The following CD86 variants were observed in gnomAD, a reference collection of about 807,000 sequenced individuals.
CD86 encodes the protein T-lymphocyte activation antigen CD86.
A neutral mutation model predicts 32.1 loss-of-function variants in CD86; 11 were observed. The observed-to-expected ratio is 0.34, with a 90% confidence interval of 0.22 to 0.57. The LOEUF (loss-of-function observed/expected upper bound fraction) is 0.57, where lower values mean the gene tolerates loss of function less well. CD86 is among the 20% of genes least tolerant of loss of function. The probability of loss-of-function intolerance (pLI) is 0.86; values close to 1 mark genes in which losing one functional copy is unlikely to be tolerated. For synonymous variants in CD86, 137 were observed against 135.3 expected, an observed-to-expected ratio of 1.01 and a Z score of -0.09; for missense variants, 359 against 398.4, an observed-to-expected ratio of 0.90 and a Z score of 0.84.
At chr3:122,098,213 T>C (rs1256044854) in intron 2 of CD86, among the ~76,000 whole-genome samples, 1 of 152,152 alleles carries the variant, frequency 6.6e-6, no homozygotes, top group East Asian at 1.9e-4. Context: ...ACAATAAATA[T>C]AAGTCAGCAT....
chr3:122,074,566 A>T (rs1559900447), intron 1 of CD86, among the ~76,000 whole-genome samples: 1 of 152,194 alleles, frequency 6.6e-6, no homozygotes, highest in Non-Finnish European at 1.5e-5. Flanking sequence ...GCAGGAGGCC[A>T]CTTCCATATA....
chr3:122,067,312 A>G (rs1644615799), intron 1 of CD86, among the ~76,000 whole-genome samples: 1 of 152,240 alleles, frequency 6.6e-6, no homozygotes, highest in Admixed American at 6.5e-5. Context: ...TAATGAAGGG[A>G]GCCAGCCACA....
intron 5 of CD86, among the ~76,000 whole-genome samples, chr3:122,111,103 A>G (rs1262052077): frequency 6.6e-6 from 1 of 152,228 alleles, no homozygotes; most frequent in Non-Finnish European, 1.5e-5. Flanking sequence ...TGGCACATAC[A>G]TGACCCCTAA....
chr3:122,082,224 C>G (rs1423821102), intron 1 of CD86, among the ~76,000 whole-genome samples: 1 of 152,168 alleles, frequency 6.6e-6, no homozygotes. Context: ...TTGTAGCTCT[C>G]TATTAAAAGT....
intron 5 of CD86, among the ~76,000 whole-genome samples, chr3:122,112,978 G>A (rs2073198229): frequency 6.6e-6 from 1 of 152,222 alleles, no homozygotes; most frequent in Non-Finnish European, 1.5e-5. Flanking sequence ...CACTGCACCA[G>A]TGTGTAGTCT....
intron 1 of CD86, among the ~76,000 whole-genome samples, chr3:122,059,257 T>A (rs1559894939): frequency 6.6e-6 from 1 of 151,018 alleles, no homozygotes; most frequent in Non-Finnish European, 1.5e-5. Flanking sequence ...AGCAGAGAGG[T>A]TGGAGGATTG....
intron 2 of CD86, among the ~76,000 whole-genome samples, chr3:122,101,513 A>AAAATATATATATATAT (rs1202377219): frequency 2.2e-5 from 1 of 46,344 alleles, no homozygotes. Flanking sequence ...AAAAAAAAAA[A>AAAATATATATATATAT]ATATATATAT....
intron 1 of CD86, among the ~76,000 whole-genome samples, chr3:122,063,266 T>TAAACTACCATTTTTTATATAAA (rs2072364719): frequency 6.6e-6 from 1 of 152,218 alleles, no homozygotes; most frequent in Non-Finnish European, 1.5e-5. Flanking sequence ...AGAAGATATA[T>TAAACTACCATTTTTTATATAAA]AAACTACCAT....
intron 1 of CD86, among the ~76,000 whole-genome samples, chr3:122,087,478 C>T (rs73858125): frequency 1.8e-3 from 267 of 152,266 alleles, no homozygotes; most frequent in African/African-American, 6.2e-3. Context: ...GAGAAACTGG[C>T]TTCCTAACCC....
intron 1 of CD86, among the ~76,000 whole-genome samples, chr3:122,074,772 G>C (rs2072534470): frequency 2.6e-5 from 4 of 152,152 alleles, no homozygotes; most frequent in Admixed American, 6.5e-5. Context: ...GTCCTCCTCT[G>C]GTTGCTTCTA....
At chr3:122,099,606 TCC>T (rs2072964954) in intron 2 of CD86, among the ~76,000 whole-genome samples, 2 of 152,092 alleles carry the variant, frequency 1.3e-5, no homozygotes, top group South Asian at 4.1e-4. Flanking sequence ...AAGTAGAGTG[TCC>T]CCAGGGTAAA....
intron 2 of CD86, among the ~76,000 whole-genome samples, chr3:122,095,597 A>G (rs188625536): frequency 6.6e-6 from 1 of 152,256 alleles, no homozygotes; most frequent in East Asian, 1.9e-4. Flanking sequence ...TTTGACTCCC[A>G]TTTCCTGCTG....
At chr3:122,078,417 C>A (rs551696542) in intron 1 of CD86, among the ~76,000 whole-genome samples, 1 of 152,182 alleles carries the variant, frequency 6.6e-6, no homozygotes, top group Non-Finnish European at 1.5e-5. Flanking sequence ...CAGCTCGCCT[C>A]GCCTGAGTCC....
rs985443502 is a variant in CD86, at chr3:122,056,312, G to T, written c.14+809G>T. ...CTTCTCTTGGGTGGTGGCAGCTGGC[G>T]CCAGTCACTATGTATTTATTTATTT... is the stretch of plus-strand genomic sequence containing the variant. On this transcript the variant is annotated intron_variant, in intron 1 of 6. Coordinates refer to ENST00000330540, the MANE Select transcript of CD86 (RefSeq NM_175862.5). 7.9e-5 allele frequency among the ~76,000 whole-genome samples: 12 copies of T among 152,054 alleles called. No homozygotes were observed. The East Asian group carries it at 2.3e-3, about 29-fold the overall frequency.
At chr3:122,095,381 A>C (rs2072891430) in intron 2 of CD86, among the ~76,000 whole-genome samples, 2 of 152,024 alleles carry the variant, frequency 1.3e-5, no homozygotes, top group Non-Finnish European at 2.9e-5. Context: ...GGGTTTCACC[A>C]TGTTGGCCAT....
chr3:122,118,127 A>C (rs1181329321), intron 6 of CD86, 34 bp downstream of exon 6: 2 of 802,058 alleles, frequency 2.5e-6, no homozygotes, highest in African/African-American at 3.8e-5. Flanking sequence ...GATGAGAGAG[A>C]GGTATAATCC....
intron 2 of CD86, among the ~76,000 whole-genome samples, chr3:122,102,152 T>C (rs983618826): frequency 3.3e-5 from 5 of 152,116 alleles, no homozygotes; most frequent in Non-Finnish European, 5.9e-5. Flanking sequence ...CTATTCCCTC[T>C]TTCAAGAGAA....
At chr3:122,059,150 G>T (rs1393955971) in intron 1 of CD86, among the ~76,000 whole-genome samples, 1 of 152,086 alleles carries the variant, frequency 6.6e-6, no homozygotes, top group African/African-American at 2.4e-5. Flanking sequence ...ATATTTAGGT[G>T]CAAGTTCAAA....
At chr3:122,068,346 AC>A (rs1466090308) in intron 1 of CD86, among the ~76,000 whole-genome samples, 1 of 152,124 alleles carries the variant, frequency 6.6e-6, no homozygotes, top group African/African-American at 2.4e-5. Flanking sequence ...TCCCCTGCAC[AC>A]ATAGAAAAAA....
Sources: gnomAD v4.1 joint callset for allele counts (sites outside exome capture counted in the v4.1 genomes callset) on GRCh38, gnomAD v4.1.1 for gene constraint, MANE v1.5 for transcripts, NCBI Gene and HGNC (gene_info 2026-07-23, HGNC 2026-07-21) for gene names.